NOL4: variants seen among roughly 807,000 people sequenced by gnomAD.
NOL4 encodes the protein nucleolar protein 4.
A neutral mutation model predicts 75.9 loss-of-function variants in NOL4; 17 were observed. That is an observed-to-expected ratio of 0.22 (90% confidence interval 0.15 to 0.34). The LOEUF (loss-of-function observed/expected upper bound fraction) is 0.34, where lower values mean the gene tolerates loss of function less well. Among genes scored for constraint, NOL4 ranks in the 10% least tolerant of loss-of-function variants. The pLI is 1.00. For synonymous variants in NOL4, 292 were observed against 289.9 expected (o/e 1.01, Z -0.07); for missense variants, 614 against 793.5 (o/e 0.77, Z 2.72).
intron 1 of NOL4, among the ~76,000 whole-genome samples, chr18:34,137,173 A>G (rs1316161483): frequency 1.3e-5 from 2 of 152,192 alleles, no homozygotes; most frequent in Non-Finnish European, 2.9e-5. Context: ...TAAATGTAAG[A>G]GCTAAAACTC....
At chr18:34,049,465 T>G (rs975812758) in intron 5 of NOL4, among the ~76,000 whole-genome samples, 2 of 152,066 alleles carry the variant, frequency 1.3e-5, no homozygotes, top group South Asian at 4.1e-4. Context: ...ATTTTGAACA[T>G]TGAACATTCA....
At chr18:33,890,803 T>A (rs2065047428) in intron 9 of NOL4, among the ~76,000 whole-genome samples, 1 of 152,004 alleles carries the variant, frequency 6.6e-6, no homozygotes, top group Non-Finnish European at 1.5e-5. Context: ...AGGTCAGAGG[T>A]AAATAATCAC....
chr18:34,000,300 C>T (rs559142834), intron 6 of NOL4, among the ~76,000 whole-genome samples: 1 of 152,170 alleles, frequency 6.6e-6, no homozygotes, highest in South Asian at 2.1e-4. Flanking sequence ...CTATAAAACA[C>T]AACCTTCTCT....
intron 5 of NOL4, among the ~76,000 whole-genome samples, chr18:34,063,257 C>A (rs564107519): frequency 1.3e-5 from 2 of 152,058 alleles, no homozygotes; most frequent in Non-Finnish European, 2.9e-5. Context: ...AAATCAGCAG[C>A]AGCAATGTAG....
chr18:34,038,935 C>G (rs545439090), intron 5 of NOL4, among the ~76,000 whole-genome samples: 2 of 152,118 alleles, frequency 1.3e-5, no homozygotes, highest in South Asian at 2.1e-4. Context: ...GATAAATACT[C>G]AAGGTGATGG....
intron 10 of NOL4, 50 bp downstream of exon 10, chr18:33,883,194 C>G (rs766965782): frequency 2.1e-6 from 3 of 1,425,718 alleles, no homozygotes; most frequent in Non-Finnish European, 2.9e-6. Context: ...TACCCTAAAA[C>G]TTAAAGTATA....
At chr18:33,877,890 C>T (rs929039393) in intron 10 of NOL4, among the ~76,000 whole-genome samples, 1 of 151,584 alleles carries the variant, frequency 6.6e-6, no homozygotes, top group African/African-American at 2.4e-5. Context: ...ATTGAGGATA[C>T]TATGAGAGTG....
At chr18:33,975,017 C>T (rs368274946) in intron 6 of NOL4, among the ~76,000 whole-genome samples, 55 of 152,304 alleles carry the variant, frequency 3.6e-4, no homozygotes, top group African/African-American at 1.3e-3. Context: ...TCACACACTG[C>T]AACATGGATG....
At chr18:34,041,673 A>T (rs929071451) in intron 5 of NOL4, among the ~76,000 whole-genome samples, 2 of 151,880 alleles carry the variant, frequency 1.3e-5, no homozygotes, top group African/African-American at 4.8e-5. Flanking sequence ...AGCATTATAG[A>T]TTTTCTTTTT....
intron 1 of NOL4, among the ~76,000 whole-genome samples, chr18:34,134,149 T>C (rs969436641): frequency 2.6e-5 from 4 of 152,128 alleles, no homozygotes; most frequent in Non-Finnish European, 5.9e-5. Context: ...CATGTGTGTG[T>C]CAGTTTTATG....
rs534163299 is a variant in NOL4 at position 33,878,718 on chromosome 18, C to T, written c.1723+4526G>A. The stretch of plus-strand genomic sequence containing the variant: ...GTTGGCCATGGTTTCCAAGCATTTC[C>T]GGGAAAAGGAGATATATTTTGTGTT... On this transcript the variant is annotated intron_variant, in intron 10 of 10. Transcript: ENST00000261592. Among the ~76,000 whole-genome samples, 68 of 151,948 alleles carry T rather than the reference C, an allele frequency of 4.5e-4. No individual in the cohort carries two copies. In the South Asian group the frequency reaches 0.012, roughly 27 times the overall value.
At chr18:34,205,983 A>C (rs1568449159) in intron 1 of NOL4, among the ~76,000 whole-genome samples, 1 of 152,142 alleles carries the variant, frequency 6.6e-6, no homozygotes, top group African/African-American at 2.4e-5. Flanking sequence ...TATTGCCATA[A>C]ATTTTCCTCA....
At chr18:34,148,217 G>A (rs1438977832) in intron 1 of NOL4, among the ~76,000 whole-genome samples, 1 of 151,910 alleles carries the variant, frequency 6.6e-6, no homozygotes, top group Non-Finnish European at 1.5e-5. Flanking sequence ...ATCTCCTTCA[G>A]TTCTGCTCTG....
chr18:34,114,956 G>C (rs190375956), intron 2 of NOL4, among the ~76,000 whole-genome samples: 8 of 152,214 alleles, frequency 5.3e-5, no homozygotes. Flanking sequence ...TTCAACTTGA[G>C]TCATGGGAAA....
intron 2 of NOL4, among the ~76,000 whole-genome samples, chr18:34,110,853 G>A (rs903497767): frequency 6.6e-6 from 1 of 151,714 alleles, no homozygotes; most frequent in Non-Finnish European, 1.5e-5. Context: ...AAAAAAATCA[G>A]GATACAAAAT....
At chr18:33,867,023 A>G (rs1279928964) in intron 10 of NOL4, among the ~76,000 whole-genome samples, 3 of 152,154 alleles carry the variant, frequency 2.0e-5, no homozygotes, top group African/African-American at 7.2e-5. Context: ...AGAGAATCTT[A>G]TGATTTGTAC....
chr18:33,937,442 G>A (rs1041416811), intron 9 of NOL4, among the ~76,000 whole-genome samples: 68 of 152,270 alleles, frequency 4.5e-4, no homozygotes, highest in African/African-American at 1.5e-3. Flanking sequence ...GCAGCAAGCA[G>A]TCAGATGAGT....
chr18:34,007,378 A>G (rs1284520861), intron 6 of NOL4, among the ~76,000 whole-genome samples: 1 of 152,030 alleles, frequency 6.6e-6, no homozygotes, highest in Non-Finnish European at 1.5e-5. Flanking sequence ...ATACTCTTCA[A>G]AAAGAAAGAT....
intron 9 of NOL4, among the ~76,000 whole-genome samples, chr18:33,903,205 C>A (rs2065842333): frequency 6.6e-6 from 1 of 152,086 alleles, no homozygotes. Flanking sequence ...AAATGGAAAG[C>A]AAGGCACGTC....
Sources: allele counts gnomAD v4.1 joint callset (sites outside exome capture counted in the v4.1 genomes callset), GRCh38; gene constraint gnomAD v4.1.1; transcripts MANE v1.5; gene names NCBI Gene and HGNC (gene_info 2026-07-23, HGNC 2026-07-21).